MET: variants seen among roughly 807,000 people sequenced by gnomAD.
MET encodes the protein hepatocyte growth factor receptor.
MET carries 48 observed loss-of-function variants against 133.1 expected under a neutral mutation model. That is an observed-to-expected ratio of 0.36 (90% CI 0.29 to 0.46). The LOEUF (loss-of-function observed/expected upper bound fraction) is 0.46, where lower values mean the gene tolerates loss of function less well. Among genes scored for constraint, MET ranks in the 20% least tolerant of loss-of-function variants. The pLI, the probability that MET is intolerant of heterozygous loss-of-function variation, is 1.00. For missense variants in MET, 1,442 were observed against 1,695.9 expected, an observed-to-expected ratio of 0.85 and a Z score of 2.63; for synonymous variants, 628 against 616.5, an observed-to-expected ratio of 1.02 and a Z score of -0.28.
At chr7:116,733,439 A>G (rs1793098186) in intron 3 of MET, among the ~76,000 whole-genome samples, 1 of 152,006 alleles carries the variant, frequency 6.6e-6, no homozygotes, top group African/African-American at 2.4e-5. Flanking sequence ...ACTTTTTTTA[A>G]CATCAAAAGT....
At chr7:116,772,028 T>A in intron 14 of MET, 39 bp downstream of exon 14, 1 of 1,605,358 alleles carries the variant, frequency 6.2e-7, no homozygotes, top group Non-Finnish European at 8.5e-7. Flanking sequence ...TACCTATACA[T>A]ATACCTCAGT....
intron 1 of MET, among the ~76,000 whole-genome samples, chr7:116,676,040 A>G (rs1230381311): frequency 6.6e-6 from 1 of 152,226 alleles, no homozygotes; most frequent in Admixed American, 6.5e-5. Context: ...AAGTGCTTTT[A>G]TAAGCTGTAA....
chr7:116,784,831 G>A (rs1397237824), intron 19 of MET, among the ~76,000 whole-genome samples: 1 of 152,060 alleles, frequency 6.6e-6, no homozygotes, highest in African/African-American at 2.4e-5. Flanking sequence ...TCCAACATCA[G>A]CTAAAAAGTC....
intron 2 of MET, among the ~76,000 whole-genome samples, chr7:116,713,558 G>A (rs1792083921): frequency 6.6e-6 from 1 of 152,122 alleles, no homozygotes; most frequent in Admixed American, 6.5e-5. Context: ...TGTAGATGCA[G>A]TGAGAACTGA....
intron 2 of MET, among the ~76,000 whole-genome samples, chr7:116,716,295 GA>G (rs1442485111): frequency 9.1e-4 from 91 of 99,844 alleles, no homozygotes; most frequent in African/African-American, 4.1e-3. Flanking sequence ...GAGAGAGAGA[GA>G]GAGAGAGAGA....
intron 10 of MET, among the ~76,000 whole-genome samples, chr7:116,760,106 C>T (rs939425857): frequency 6.6e-6 from 1 of 152,128 alleles, no homozygotes; most frequent in Non-Finnish European, 1.5e-5. Flanking sequence ...ACAGTCAGTA[C>T]AAATGGAAAT....
chr7:116,690,866 T>G (rs1447920824), intron 1 of MET, among the ~76,000 whole-genome samples: 1 of 152,266 alleles, frequency 6.6e-6, no homozygotes, highest in Non-Finnish European at 1.5e-5. Context: ...ATTAATATCA[T>G]ATGATATAAT....
intron 1 of MET, among the ~76,000 whole-genome samples, chr7:116,692,343 T>C (rs1480269845): frequency 2.0e-5 from 3 of 152,188 alleles, no homozygotes; most frequent in African/African-American, 7.2e-5. Context: ...AAAGCAAAAT[T>C]ACCTATGTCA....
intron 8 of MET, among the ~76,000 whole-genome samples, chr7:116,758,242 T>C (rs1398056510): frequency 6.6e-6 from 1 of 152,138 alleles, no homozygotes; most frequent in Non-Finnish European, 1.5e-5. Context: ...GGTTTTTTTT[T>C]CAAATCTCAA....
rs763246917 is a variant in MET at position 116,781,985 on chromosome 7, C to T, written c.3523-3C>T. 9 of 1,593,326 alleles carry T rather than the reference C, an allele frequency of 5.6e-6. No homozygotes were observed. The South Asian group carries it at 8.8e-5, about 16-fold the overall frequency. ...ATGCTTTTCTAACTCTCTTTGACTG[C>T]AGAATCCAACTGTAAAAGATCTTAT... On this transcript the variant is annotated splice_region_variant and splice_polypyrimidine_tract_variant and intron_variant, in intron 17 of 20. Coordinates refer to ENST00000397752, the MANE Select transcript of MET (RefSeq NM_000245.4).
intron 2 of MET, among the ~76,000 whole-genome samples, chr7:116,709,450 A>C (rs1229918278): frequency 6.6e-6 from 1 of 152,226 alleles, no homozygotes; most frequent in Non-Finnish European, 1.5e-5. Flanking sequence ...AATCATAAGC[A>C]GTATTGTTTT....
intron 12 of MET, 146 bp from the exon 13 acceptor site, chr7:116,771,352 G>A: frequency 1.2e-6 from 1 of 866,856 alleles, no homozygotes; most frequent in Non-Finnish European, 1.9e-6. Flanking sequence ...GCATAATTGA[G>A]GAATCTCTTA....
chr7:116,784,528 C>T (rs1421598688), intron 19 of MET, among the ~76,000 whole-genome samples: 4 of 152,172 alleles, frequency 2.6e-5, no homozygotes, highest in Non-Finnish European at 5.9e-5. Context: ...TTTTACATGG[C>T]AGGAGCAGGA....
intron 5 of MET, among the ~76,000 whole-genome samples, chr7:116,753,725 A>G (rs192424541): frequency 1.1e-4 from 17 of 152,226 alleles, no homozygotes; most frequent in Non-Finnish European, 2.1e-4. Context: ...AAAAGAAACA[A>G]CATAACACAT....
intron 2 of MET, 136 bp from the exon 3 acceptor site, chr7:116,731,532 A>G (rs1248965058): frequency 1.2e-6 from 1 of 828,410 alleles, no homozygotes; most frequent in African/African-American, 1.7e-5. Context: ...ATTTATGCCT[A>G]TCTGTGGCTA....
intron 14 of MET, among the ~76,000 whole-genome samples, chr7:116,772,348 T>C (rs1192679835): frequency 6.6e-6 from 1 of 152,238 alleles, no homozygotes; most frequent in East Asian, 1.9e-4. Context: ...TTGGAACTGC[T>C]ACATTTTTTA....
At chr7:116,695,926 C>G (rs1796947502) in intron 1 of MET, 1 of 224,380 alleles carries the variant, frequency 4.5e-6, no homozygotes, top group Admixed American at 4.7e-5. Flanking sequence ...ACCTGTACCC[C>G]CAGTGGCACG....
intron 16 of MET, 78 bp from the exon 17 acceptor site, chr7:116,778,698 T>G: frequency 6.9e-7 from 1 of 1,447,352 alleles, no homozygotes; most frequent in Non-Finnish European, 9.7e-7. Context: ...ACCATTTCAT[T>G]GCTCTTCCTA....
intron 10 of MET, among the ~76,000 whole-genome samples, chr7:116,761,285 A>T (rs961248187): frequency 1.3e-5 from 2 of 152,214 alleles, no homozygotes; most frequent in African/African-American, 2.4e-5. Context: ...AGTGACAAAC[A>T]TGTTAGTACA....
Sources: gnomAD v4.1 joint callset for allele counts (sites outside exome capture counted in the v4.1 genomes callset) on GRCh38, gnomAD v4.1.1 for gene constraint, MANE v1.5 for transcripts, NCBI Gene and HGNC (gene_info 2026-07-23, HGNC 2026-07-21) for gene names.